ARMC8: variants seen among roughly 807,000 people sequenced by gnomAD.
The protein encoded by ARMC8 is armadillo repeat containing 8, also known as armadillo repeat-containing protein 8.
ARMC8 carries 20 observed loss-of-function variants against 99.3 expected under a neutral mutation model. The ratio of observed to expected loss-of-function variants is 0.20; its 90% CI spans 0.14 to 0.29. The LOEUF is 0.29. ARMC8 is among the 10% of genes least tolerant of loss of function. The pLI, the probability that ARMC8 is intolerant of heterozygous loss-of-function variation, is 1.00. For missense variants in ARMC8, 569 were observed against 809.5 expected (o/e 0.70, Z 3.60); for synonymous variants, 263 against 278.3 (o/e 0.95, Z 0.55).
chr3:138,284,590 A>G (rs907453340), intron 19 of ARMC8, 64 bp downstream of exon 19: 5 of 1,208,242 alleles, frequency 4.1e-6, no homozygotes, highest in Non-Finnish European at 4.9e-6. Flanking sequence ...TTTAACTCAA[A>G]ATAAATTGTG....
At chr3:138,203,437 T>G (rs542573151) in intron 1 of ARMC8, among the ~76,000 whole-genome samples, 1 of 152,358 alleles carries the variant, frequency 6.6e-6, no homozygotes, top group South Asian at 2.1e-4. Flanking sequence ...CAGTGTCATC[T>G]GAAGGCTCAG....
intron 10 of ARMC8, among the ~76,000 whole-genome samples, chr3:138,241,060 A>C (rs1375591198): frequency 1.3e-5 from 2 of 152,248 alleles, no homozygotes; most frequent in African/African-American, 4.8e-5. Context: ...AAAAAAAAAG[A>C]AAAAGAAATA....
At position 138,296,080 on chromosome 3, in the gene ARMC8, C is replaced by T; in HGVS notation, c.*188C>T. Reference sequence around the variant, plus strand: ...AACATTTTTTTGAGGTAGTAATTTCCTCAGAAGACTCTTGTGTTTTGTTTT... The same window carrying T: ...AACATTTTTTTGAGGTAGTAATTTCTTCAGAAGACTCTTGTGTTTTGTTTT... On this transcript the variant is annotated 3_prime_UTR_variant, in exon 22 of 22. Coordinates refer to ENST00000469044, the MANE Select transcript of ARMC8 (RefSeq NM_001363941.2). 1 of 519,158 alleles carries T rather than the reference C, an allele frequency of 1.9e-6. No homozygotes were observed. The highest frequency in any genetic ancestry group is 3.3e-5 in the East Asian group (1 of 29,970). 32.2% of individuals were successfully genotyped at this position (519,158 alleles called of 1,614,324 possible).
chr3:138,230,959 A>T (rs2108121865), intron 6 of ARMC8, among the ~76,000 whole-genome samples: 1 of 152,290 alleles, frequency 6.6e-6, no homozygotes, highest in African/African-American at 2.4e-5. Context: ...GAGAAACTTA[A>T]ACTGAGGATA....
chr3:138,207,100 T>G (rs2108014989), intron 1 of ARMC8, among the ~76,000 whole-genome samples: 1 of 152,374 alleles, frequency 6.6e-6, no homozygotes, highest in East Asian at 1.9e-4. Context: ...GATTGTTTAC[T>G]TGTATTGGCT....
chr3:138,218,618 A>G (rs1448163215), intron 2 of ARMC8, among the ~76,000 whole-genome samples: 1 of 152,180 alleles, frequency 6.6e-6, no homozygotes, highest in East Asian at 1.9e-4. Flanking sequence ...TTGAGCATCT[A>G]CTTTTCTTTA....
chr3:138,292,359 G>C (rs966207302), intron 21 of ARMC8, among the ~76,000 whole-genome samples: 1 of 152,192 alleles, frequency 6.6e-6, no homozygotes, highest in Non-Finnish European at 1.5e-5. Flanking sequence ...ATTTTTAAAA[G>C]ATCACTCTGG....
chr3:138,202,955 A>G (rs1470529163), intron 1 of ARMC8, among the ~76,000 whole-genome samples: 1 of 152,126 alleles, frequency 6.6e-6, no homozygotes, highest in Non-Finnish European at 1.5e-5. Flanking sequence ...TTTAAACCCT[A>G]CCTGAATAAA....
In ARMC8 at chr3:138,235,083, T is replaced by C. The variant is rs1227784915; in HGVS notation, c.578T>C (p.Ile193Thr). The C allele has an allele frequency of 6.2e-7, 1 of 1,613,852 alleles. No homozygotes were observed. The highest frequency in any genetic ancestry group is 1.3e-5 in the African/African-American group (1 of 74,924). ...TTTAACCACGGTGCAGTTCAGAATA[T>C]TGCTCACCTACTAACCTCACTGTCC... is the stretch of plus-strand genomic sequence containing the variant. ...ILFNHGAVQN[I>T]AHLLTSLSYK... Residue 193 changes from isoleucine (I) to threonine (T), a missense_variant, in exon 7 of 22, where the codon ATT becomes ACT. Ile to Thr is a moderately conservative substitution (Grantham distance 89, BLOSUM62 -1). This residue lies in a region of ARMC8 where 342 missense variants were observed against 391.6 expected (regional missense o/e 0.87). Transcript: ENST00000469044.
At chr3:138,189,798 A>G (rs1022583767) in intron 1 of ARMC8, among the ~76,000 whole-genome samples, 4 of 152,196 alleles carry the variant, frequency 2.6e-5, no homozygotes, top group Admixed American at 6.5e-5. Flanking sequence ...ACTTTCTTCT[A>G]CATCTAGTCT....
chr3:138,235,648 T>G (rs1052787224), intron 7 of ARMC8, among the ~76,000 whole-genome samples: 6 of 152,226 alleles, frequency 3.9e-5, no homozygotes, highest in African/African-American at 1.4e-4. Context: ...CCATTCATTG[T>G]TGTCCATCTA....
chr3:138,195,463 C>A (rs1333290623), intron 1 of ARMC8, among the ~76,000 whole-genome samples: 1 of 152,128 alleles, frequency 6.6e-6, no homozygotes, highest in Non-Finnish European at 1.5e-5. Flanking sequence ...TTCAGGAAGT[C>A]TTTTAAACTC....
At chr3:138,294,771 T>A (rs2051310561) in intron 21 of ARMC8, among the ~76,000 whole-genome samples, 1 of 152,168 alleles carries the variant, frequency 6.6e-6, no homozygotes, top group Admixed American at 6.5e-5. Context: ...ATGTTTGTGA[T>A]AGGAATAGTA....
chr3:138,226,494 A>G (rs1413692658), intron 5 of ARMC8, among the ~76,000 whole-genome samples: 1 of 152,142 alleles, frequency 6.6e-6, no homozygotes, highest in African/African-American at 2.4e-5. Flanking sequence ...ATTTCTAACA[A>G]ATTTGCAGGT....
chr3:138,292,229 A>G (rs1301202843), intron 21 of ARMC8, among the ~76,000 whole-genome samples: 1 of 151,978 alleles, frequency 6.6e-6, no homozygotes, highest in Non-Finnish European at 1.5e-5. Context: ...TAGTAGAGAC[A>G]GGGTTTTACC....
Position 138,248,413 on chromosome 3 carries a change from C to G in ARMC8, c.1134+3230C>G, listed in dbSNP as rs549074456. 3.3e-5 allele frequency among the ~76,000 whole-genome samples: 5 copies of G among 152,324 alleles called. No homozygotes were observed. In the South Asian group the frequency reaches 1.0e-3, roughly 32 times the overall value. ...ATGCCAAGTAAAAATTAGCTCTCAT[C>G]TCTGCCAAAAGGAAAATCTAGTTTC... On this transcript the variant is annotated intron_variant, in intron 12 of 21. Coordinates refer to ENST00000469044, the MANE Select transcript of ARMC8 (RefSeq NM_001363941.2).
intron 1 of ARMC8, among the ~76,000 whole-genome samples, chr3:138,194,868 G>T (rs2043623554): frequency 6.6e-6 from 1 of 152,074 alleles, no homozygotes; most frequent in Non-Finnish European, 1.5e-5. Context: ...GCCTCCCTAG[G>T]TTTTTAGTAA....
intron 18 of ARMC8, among the ~76,000 whole-genome samples, chr3:138,280,953 A>C (rs2049847621): frequency 2.0e-5 from 3 of 152,078 alleles, no homozygotes; most frequent in Admixed American, 2.0e-4. Flanking sequence ...AGTTTAGCCA[A>C]CTGTTTCTTT....
chr3:138,243,213 C>A (rs986495771), intron 11 of ARMC8, among the ~76,000 whole-genome samples: 1 of 152,222 alleles, frequency 6.6e-6, no homozygotes, highest in African/African-American at 2.4e-5. Flanking sequence ...AATCATTTAA[C>A]TAGTACGTAG....
Sources: gnomAD v4.1 joint callset for allele counts (sites outside exome capture counted in the v4.1 genomes callset) on GRCh38, gnomAD v4.1.1 for gene constraint, gnomAD v4.1.1 regional missense constraint, MANE v1.5 for transcripts, NCBI Gene and HGNC (gene_info 2026-07-23, HGNC 2026-07-21) for gene names.